Variants in CSMD1 observed in about 807,000 individuals in gnomAD.
CSMD1 encodes CUB and Sushi multiple domains 1.
CSMD1 carries 213 observed loss-of-function variants against 417.5 expected under a neutral mutation model. That is an observed-to-expected ratio of 0.51 (90% CI 0.46 to 0.57). The LOEUF (loss-of-function observed/expected upper bound fraction) is 0.57, where lower values mean the gene tolerates loss of function less well. CSMD1 is among the 20% of genes least tolerant of loss of function. The probability of loss-of-function intolerance (pLI) is 0.00; values close to 1 mark genes in which losing one functional copy is unlikely to be tolerated. For missense variants in CSMD1, 6,923 were observed against 4,529.7 expected (o/e 1.53, Z -15.17); for synonymous variants, 2,862 against 1,736.8 (o/e 1.65, Z -16.11).
chr8:3,912,172 T>A (rs1309279005), intron 5 of CSMD1, among the ~76,000 whole-genome samples: 1 of 152,184 alleles, frequency 6.6e-6, no homozygotes, highest in African/African-American at 2.4e-5. Flanking sequence ...ACATTTCTCA[T>A]GAATTTGTAA....
chr8:3,312,064 A>G (rs909631218), intron 23 of CSMD1, among the ~76,000 whole-genome samples: 1 of 152,172 alleles, frequency 6.6e-6, no homozygotes, highest in African/African-American at 2.4e-5. Flanking sequence ...CTTGCATTAA[A>G]GCTTTGTTTT....
chr8:3,301,671 G>T (rs1804417417), intron 25 of CSMD1, among the ~76,000 whole-genome samples: 1 of 152,134 alleles, frequency 6.6e-6, no homozygotes, highest in Non-Finnish European at 1.5e-5. Context: ...GAAGTCGAAA[G>T]TATCCATGAG....
chr8:3,091,634 T>G lies in CSMD1; in HGVS notation c.7167A>C (p.Val2389=). The change falls in exon 48 of 70, where the codon GTA becomes GTC. Residue 2389 remains valine (V), a synonymous_variant. Transcript: ENST00000635120. The part of the protein sequence containing the change: ...DGSSGQSPLL[V]VLSGNHTEQS... ...GTTCAGTATGATTCCCACTTAAGAC[T>G]ACTAGCAGAGGACTTTGCCCAGAAG... The G allele has an allele frequency of 6.2e-7, 1 of 1,611,224 alleles. No homozygotes were observed. The highest frequency in any genetic ancestry group is 1.1e-5 in the South Asian group (1 of 90,444).
At chr8:4,813,368 A>G (rs557371392) in intron 1 of CSMD1, among the ~76,000 whole-genome samples, 7 of 152,310 alleles carry the variant, frequency 4.6e-5, no homozygotes, top group African/African-American at 1.7e-4. Flanking sequence ...TTAATAGAAC[A>G]TAAAGCTGCC....
chr8:3,618,113 C>T (rs531683294), intron 7 of CSMD1, among the ~76,000 whole-genome samples: 71 of 152,116 alleles, frequency 4.7e-4, no homozygotes, highest in Non-Finnish European at 9.0e-4. Context: ...GCGATACTCC[C>T]GTCTCAGCCT....
intron 3 of CSMD1, among the ~76,000 whole-genome samples, chr8:4,247,569 T>A (rs2063935872): frequency 6.6e-6 from 1 of 152,184 alleles, no homozygotes; most frequent in Non-Finnish European, 1.5e-5. Context: ...TTCCGCATAA[T>A]ACCACCATTC....
intron 1 of CSMD1, among the ~76,000 whole-genome samples, chr8:4,935,836 A>G (rs7011193): frequency 0.31 from 47,183 of 152,148 alleles, 8,251 homozygotes; most frequent in Middle Eastern, 0.4. Flanking sequence ...GCTGTTTACC[A>G]AAAGCAGATT....
intron 3 of CSMD1, among the ~76,000 whole-genome samples, chr8:4,169,129 C>A (rs901369521): frequency 6.6e-6 from 1 of 152,198 alleles, no homozygotes; most frequent in African/African-American, 2.4e-5. Flanking sequence ...TGTAAGCTCA[C>A]TGGTGGTGAT....
chr8:3,523,041 T>A (rs796129314), intron 10 of CSMD1, among the ~76,000 whole-genome samples: 33 of 136,392 alleles, frequency 2.4e-4, no homozygotes, highest in South Asian at 1.0e-3. Context: ...ACACACACAC[T>A]ACTCTTAAAA....
intron 1 of CSMD1, among the ~76,000 whole-genome samples, chr8:4,725,657 C>A (rs912829044): frequency 3.3e-5 from 5 of 152,168 alleles, no homozygotes; most frequent in African/African-American, 1.2e-4. Context: ...TCAGAATCTG[C>A]ATTCTCAGAC....
chr8:4,477,322 G>T (rs1325070771), intron 2 of CSMD1, among the ~76,000 whole-genome samples: 1 of 152,146 alleles, frequency 6.6e-6, no homozygotes, highest in Non-Finnish European at 1.5e-5. Flanking sequence ...CCGAGGCGTT[G>T]GTGCTGGAAG....
chr8:3,844,487 C>G (rs4531076), intron 5 of CSMD1, among the ~76,000 whole-genome samples: 151,720 of 152,306 alleles, frequency 1, 75,576 homozygotes, highest in Middle Eastern at 1. Flanking sequence ...AGAGCAATCT[C>G]TTTGGTAATG....
intron 15 of CSMD1, among the ~76,000 whole-genome samples, chr8:3,402,958 A>C (rs563175554): frequency 1.3e-5 from 2 of 152,236 alleles, no homozygotes; most frequent in East Asian, 3.9e-4. Context: ...ATTGTTTCTC[A>C]TAGAAAGTAC....
intron 58 of CSMD1, 103 bp from the exon 59 acceptor site, chr8:2,966,057 G>T (rs886854421): frequency 1.0e-5 from 11 of 1,057,218 alleles, no homozygotes; most frequent in Non-Finnish European, 1.5e-5. Context: ...GCTATTCACA[G>T]TGGTTAAGCA....
intron 26 of CSMD1, among the ~76,000 whole-genome samples, chr8:3,233,146 G>A (rs1192919395): frequency 6.6e-6 from 1 of 151,320 alleles, no homozygotes; most frequent in Non-Finnish European, 1.5e-5. Context: ...TAAATACTAT[G>A]GCTTGACTAT....
chr8:4,654,036 C>T lies in CSMD1; in HGVS notation c.86-16478G>A, dbSNP rs371192547. ...GTAAACCTGAATTGACTTCAGATGT[C>T]CAAGTTAAATAATAACTTCTCAAAG... On this transcript the variant is annotated intron_variant, in intron 1 of 69. Coordinates refer to ENST00000635120, the MANE Select transcript of CSMD1 (RefSeq NM_033225.6). 2.2e-4 allele frequency among the ~76,000 whole-genome samples: 33 copies of T among 152,086 alleles called. 1 individual carries two copies. The highest frequency in any genetic ancestry group is 7.2e-4 in the Admixed American group (11 of 15,266).
At chr8:3,003,542 A>C (rs956497567) in intron 52 of CSMD1, among the ~76,000 whole-genome samples, 1 of 152,198 alleles carries the variant, frequency 6.6e-6, no homozygotes, top group African/African-American at 2.4e-5. Flanking sequence ...ATTGTCTCCT[A>C]TGTCACCTTC....
chr8:4,604,914 G>A (rs1047514854), intron 2 of CSMD1, among the ~76,000 whole-genome samples: 16 of 152,142 alleles, frequency 1.1e-4, no homozygotes, highest in African/African-American at 3.6e-4. Context: ...TCAGAATCAT[G>A]CTTGCGCATG....
chr8:3,236,729 T>C (rs1799175657), intron 26 of CSMD1, among the ~76,000 whole-genome samples: 1 of 152,224 alleles, frequency 6.6e-6, no homozygotes. Context: ...TCACTCATTT[T>C]TCTCTTAAAT....
Sources: allele counts gnomAD v4.1 joint callset (sites outside exome capture counted in the v4.1 genomes callset), GRCh38; gene constraint gnomAD v4.1.1; transcripts MANE v1.5; gene names NCBI Gene and HGNC (gene_info 2026-07-23, HGNC 2026-07-21).